Variants in STAT1 observed in about 807,000 individuals in gnomAD.
STAT1 encodes the protein signal transducer and activator of transcription 1-alpha/beta.
STAT1 carries 24 observed loss-of-function variants against 111.7 expected under a neutral mutation model. The ratio of observed to expected loss-of-function variants is 0.21; its 90% confidence interval spans 0.16 to 0.30. STAT1 has a LOEUF of 0.30. STAT1 is among the 10% of genes least tolerant of loss of function. The pLI, the probability that STAT1 is intolerant of heterozygous loss-of-function variation, is 1.00. For synonymous variants in STAT1, 332 were observed against 326.5 expected (o/e 1.02, Z -0.18); for missense variants, 351 against 911.9 (o/e 0.38, Z 7.92).
intron 12 of STAT1, among the ~76,000 whole-genome samples, chr2:190,988,593 C>T (rs192256860): frequency 1.1e-4 from 17 of 152,180 alleles, no homozygotes; most frequent in African/African-American, 3.9e-4. Flanking sequence ...TTGGCCAGGC[C>T]GGTCTCAAAC....
In STAT1 at chr2:191,000,271, T is replaced by C. The variant is rs1376376264; in HGVS notation, c.463-567A>G. On this transcript the variant is annotated intron_variant, in intron 6 of 24. Coordinates refer to ENST00000361099, the MANE Select transcript of STAT1 (RefSeq NM_007315.4). The surrounding 1 kb of genome is among the most constrained non-coding windows in gnomAD (Gnocchi z 4.8). ...GGTCACATTTCCACATATTCTTCTCTGGATTTCCATGGCTATTTCTGGACT... is the reference window on the plus strand; with the variant it reads ...GGTCACATTTCCACATATTCTTCTCCGGATTTCCATGGCTATTTCTGGACT... 6.6e-6 allele frequency among the ~76,000 whole-genome samples: 1 copy of C among 152,234 alleles called. No individual in the cohort carries two copies. The highest frequency in any genetic ancestry group is 1.5e-5 in the Non-Finnish European group (1 of 68,038).
Position 190,986,433 on chromosome 2 carries a change from G to A in STAT1, c.1221+421C>T, listed in dbSNP as rs951559076. Among the ~76,000 whole-genome samples the A allele has an allele frequency of 5.9e-5, 9 of 152,190 alleles. No individual in the cohort carries two copies. The highest frequency in any genetic ancestry group is 2.2e-4 in the African/African-American group (9 of 41,440). ...AGAGTCAGGCTGGCGTGGAGGCAGG[G>A]GCTGTGGGCAGGGCCACCAGGAAGG... On this transcript the variant is annotated intron_variant, in intron 14 of 24. Coordinates refer to ENST00000361099, the MANE Select transcript of STAT1 (RefSeq NM_007315.4). The surrounding 1 kb of genome is among the most constrained non-coding windows in gnomAD (Gnocchi z 5.0).
chr2:190,988,300 C>A (rs1049029990), intron 12 of STAT1, among the ~76,000 whole-genome samples: 8 of 152,216 alleles, frequency 5.3e-5, no homozygotes, highest in African/African-American at 1.9e-4. Flanking sequence ...CTGGCTCCAA[C>A]CACACTAGCT....
rs1691296648 is a variant in STAT1, at chr2:190,969,545, T to C, written c.*1158A>G. The C allele has an allele frequency of 6.6e-6, 1 of 152,100 alleles. No individual in the cohort carries two copies. Among genetic ancestry groups the C allele is most frequent in the Admixed American group, 6.5e-5 (1 of 15,270 alleles). The allele number at this position is 152,100 out of a possible 1,614,324, so 9.4% of individuals were successfully genotyped here. ...GAAAAAGGTAAAAATACAGTATACTTCACGAAACATCATCCACTCAAAAAA... is the reference window on the plus strand; with the variant it reads ...GAAAAAGGTAAAAATACAGTATACTCCACGAAACATCATCCACTCAAAAAA... On this transcript the variant is annotated 3_prime_UTR_variant, in exon 25 of 25. Transcript: ENST00000361099.
chr2:190,998,139 C>T lies in STAT1; in HGVS notation c.633+78G>A. ...TCTAAGCCAGGTGGCTATAATTTTT[C>T]CTCTCTTCTAAACTTTGAGTCCATT... On this transcript the variant is annotated intron_variant, in intron 8 of 24. Transcript: ENST00000361099. This position sits in a 1 kb window ranked among gnomAD's most constrained non-coding sequence, Gnocchi z 4.1. 3 of 1,563,816 alleles carry T rather than the reference C, an allele frequency of 1.9e-6. No individual in the cohort carries two copies. The highest frequency in any genetic ancestry group is 2.6e-6 in the Non-Finnish European group (3 of 1,137,466).
rs762826075 is a variant in STAT1 at position 190,997,531 on chromosome 2, C to A, written c.785+325G>T. Among the ~76,000 whole-genome samples the A allele has an allele frequency of 3.3e-5, 5 of 152,268 alleles. No individual in the cohort carries two copies. The highest frequency in any genetic ancestry group is 6.8e-3 in the Middle Eastern group (2 of 292). ...TGTAAGCCTAGAAAAATGCCTCAAGCTATCTTGTTTTTAAGGAAACATTAA... is the reference window on the plus strand; with the variant it reads ...TGTAAGCCTAGAAAAATGCCTCAAGATATCTTGTTTTTAAGGAAACATTAA... On this transcript the variant is annotated intron_variant, in intron 9 of 24. Coordinates refer to ENST00000361099, the MANE Select transcript of STAT1 (RefSeq NM_007315.4). The surrounding 1 kb of genome is among the most constrained non-coding windows in gnomAD (Gnocchi z 7.3).
chr2:190,991,275 C>T lies in STAT1; in HGVS notation c.990G>A (p.Gln330=), dbSNP rs41509946. 3.5e-3 allele frequency: 5,640 copies of T among 1,614,146 alleles called. 22 individuals are homozygous for T. The highest frequency in any genetic ancestry group is 0.012 in the Middle Eastern group (75 of 6,062). Residue 330 remains glutamine (Q), a synonymous_variant, in exon 11 of 25, where the codon CAG becomes CAA. Coordinates refer to ENST00000361099, the MANE Select transcript of STAT1 (RefSeq NM_007315.4). ...CCCCTGTCTTCAAGACCAGCGGCCT[C>T]TGAGGGTGCGTTGGCATGCAGGGCT... ...ERQPCMPTHP[Q]RPLVLKTGVQ...
At chr2:191,005,462 T>C (rs1347941499) in intron 5 of STAT1, among the ~76,000 whole-genome samples, 2 of 152,234 alleles carry the variant, frequency 1.3e-5, no homozygotes, top group Admixed American at 1.3e-4. Flanking sequence ...ACACTATCTG[T>C]ACTGTACCTT....
Position 190,980,596 on chromosome 2 carries a change from G to A in STAT1, c.1632+24C>T, listed in dbSNP as rs558798389. The A allele has an allele frequency of 1.3e-5, 21 of 1,613,268 alleles. No individual in the cohort carries two copies. In the South Asian group the frequency reaches 2.1e-4, roughly 16 times the overall value. ...ACCAAGAGCAAAAAGGACTTAGAGA[G>A]CATAAAACCCAGACAGTCCTCACCT... On this transcript the variant is annotated intron_variant, in intron 19 of 24. Transcript: ENST00000361099. This position sits in a 1 kb window ranked among gnomAD's most constrained non-coding sequence, Gnocchi z 6.1.
chr2:190,969,421 G>A lies in STAT1; in HGVS notation c.*1282C>T, dbSNP rs1466227575. ...ATAATATAGTTGTGGTAGCAGTAGTGGAAAAACAAGATACAGCCACATAGA... is the reference window on the plus strand; with the variant it reads ...ATAATATAGTTGTGGTAGCAGTAGTAGAAAAACAAGATACAGCCACATAGA... On this transcript the variant is annotated 3_prime_UTR_variant, in exon 25 of 25. Transcript: ENST00000361099. 6.6e-6 allele frequency: 1 copy of A among 152,098 alleles called. No individual in the cohort carries two copies. Among genetic ancestry groups the A allele is most frequent in the African/African-American group, 2.4e-5 (1 of 41,408 alleles). 9.4% of individuals were successfully genotyped at this position (152,098 alleles called of 1,614,324 possible).
chr2:191,001,865 G>A (rs985495854), intron 5 of STAT1, among the ~76,000 whole-genome samples: 1 of 152,058 alleles, frequency 6.6e-6, no homozygotes, highest in Non-Finnish European at 1.5e-5. Flanking sequence ...TCTAGGCTCG[G>A]GTGTTAGAGT....
In STAT1 at chr2:190,983,544, C is replaced by T; in HGVS notation, c.1446+98G>A. 9.5e-7 allele frequency: 1 copy of T among 1,051,858 alleles called. No homozygotes were observed. Among genetic ancestry groups the T allele is most frequent in the Non-Finnish European group, 1.5e-6 (1 of 670,284 alleles). The allele number at this position is 1,051,858 out of a possible 1,614,324, so 65.2% of individuals were successfully genotyped here. A position where few individuals can be genotyped will look rare whatever the true frequency, so the allele number is the denominator to read the frequency against. ...TACCACAGGAGCTTTGTCACTTCTC[C>T]CTTAACAACTGGCCATTGGGGCTAT... On this transcript the variant is annotated intron_variant, in intron 17 of 24. Coordinates refer to ENST00000361099, the MANE Select transcript of STAT1 (RefSeq NM_007315.4). The surrounding 1 kb of genome is among the most constrained non-coding windows in gnomAD (Gnocchi z 5.7).
At position 190,982,522 on chromosome 2, in the gene STAT1, G is replaced by A; in HGVS notation, c.1447-4C>T. On this transcript the variant is annotated splice_region_variant and splice_polypyrimidine_tract_variant and intron_variant, in intron 17 of 24. Transcript: ENST00000361099. The surrounding 1 kb of genome is among the most constrained non-coding windows in gnomAD (Gnocchi z 7.3). ...GAGTCAGGAAGAAGGACAGATTCTA[G>A]AGAGAAAACACCCAAAATCTAAGGG... 1 of 1,614,142 alleles carries A rather than the reference G, an allele frequency of 6.2e-7. No individual in the cohort carries two copies. The highest frequency in any genetic ancestry group is 8.5e-7 in the Non-Finnish European group (1 of 1,180,014).
chr2:191,001,973 A>G (rs1239674423), intron 5 of STAT1, among the ~76,000 whole-genome samples: 1 of 152,122 alleles, frequency 6.6e-6, no homozygotes, highest in Non-Finnish European at 1.5e-5. Context: ...GTGCTTGTCA[A>G]CCTTTCTTAC....
rs41324145 is a variant in STAT1, at chr2:190,969,750, C to A, written c.*953G>T. 5.0e-3 allele frequency: 766 copies of A among 152,292 alleles called. 5 individuals carry two copies. The highest frequency in any genetic ancestry group is 0.017 in the African/African-American group (722 of 41,570). The allele number at this position is 152,292 out of a possible 1,614,324, so 9.4% of individuals were successfully genotyped here. On this transcript the variant is annotated 3_prime_UTR_variant, in exon 25 of 25. Transcript: ENST00000361099. The stretch of plus-strand genomic sequence containing the variant: ...TTGTCAGTTACTGCTTTTTCTACTC[C>A]TTTCCCAATTTTGTGGCTAATAGAC...
chr2:190,984,216 T>C lies in STAT1; in HGVS notation c.1347+94A>G. On this transcript the variant is annotated intron_variant, in intron 16 of 24. Transcript: ENST00000361099. The surrounding 1 kb of genome is among the most constrained non-coding windows in gnomAD (Gnocchi z 5.2). ...GATCATTTTAAAACAATTAGGTAAA[T>C]ACCTCCAGAACAAACACTGAGAAAT... 1 of 1,033,216 alleles carries C rather than the reference T, an allele frequency of 9.7e-7. No individual in the cohort carries two copies. The allele number at this position is 1,033,216 out of a possible 1,614,324, so 64.0% of individuals were successfully genotyped here. A position where few individuals can be genotyped will look rare whatever the true frequency, so the allele number is the denominator to read the frequency against.
chr2:190,992,555 T>A, intron 10 of STAT1: 1 of 381,428 alleles, frequency 2.6e-6, no homozygotes, highest in Non-Finnish European at 4.4e-6. Context: ...TGCAGCTACA[T>A]ACAGTACAAT....
Position 191,006,111 on chromosome 2 carries a change from G to A in STAT1, c.372+1452C>T, listed in dbSNP as rs907251138. 3.3e-5 allele frequency among the ~76,000 whole-genome samples: 5 copies of A among 152,236 alleles called. No homozygotes were observed. Among genetic ancestry groups the A allele is most frequent in the Admixed American group, 3.3e-4 (5 of 15,286 alleles). ...GACATGCTTGCAGCTGGGGGAAACA[G>A]GTTGTCCTTCTGCCCATCTTTGCTC... On this transcript the variant is annotated intron_variant, in intron 5 of 24. Coordinates refer to ENST00000361099, the MANE Select transcript of STAT1 (RefSeq NM_007315.4). The surrounding 1 kb of genome is among the most constrained non-coding windows in gnomAD (Gnocchi z 4.6).
chr2:190,998,011 A>T lies in STAT1; in HGVS notation c.634-4T>A, dbSNP rs1465729659. The T allele has an allele frequency of 1.2e-6, 2 of 1,613,884 alleles. No individual in the cohort carries two copies. Among genetic ancestry groups the T allele is most frequent in the African/African-American group, 2.7e-5 (2 of 74,934 alleles). On this transcript the variant is annotated splice_region_variant and splice_polypyrimidine_tract_variant and intron_variant, in intron 8 of 24. Transcript: ENST00000361099. This position sits in a 1 kb window ranked among gnomAD's most constrained non-coding sequence, Gnocchi z 4.1. The stretch of plus-strand genomic sequence containing the variant: ...CTATTATTTTGTGAACTACTTCCTA[A>T]AGGCAATAGAAGAAACAAAGTGAAA...
Sources: gnomAD v4.1 joint callset for allele counts (sites outside exome capture counted in the v4.1 genomes callset) on GRCh38, gnomAD v4.1.1 for gene constraint, Gnocchi (gnomAD v3.1) non-coding constraint, MANE v1.5 for transcripts, NCBI Gene and HGNC (gene_info 2026-07-23, HGNC 2026-07-21) for gene names.